Variants in CT55 observed in about 807,000 individuals in gnomAD.
CT55 encodes the protein BRCA2-interacting protein.
A neutral mutation model predicts 12.6 loss-of-function variants in CT55; 1 was observed. That is an observed-to-expected ratio of 0.08 (90% confidence interval 0.03 to 0.38). The LOEUF is 0.38. Among genes scored for constraint, CT55 ranks in the 10% least tolerant of loss-of-function variants. The pLI, the probability that CT55 is intolerant of heterozygous loss-of-function variation, is 0.99. For synonymous variants in CT55, 43 were observed against 49.7 expected (o/e 0.87, Z 0.57); for missense variants, 109 against 135.4 (o/e 0.80, Z 0.97).
chrX:135,169,074 T>C (rs1258522879), intron 2 of CT55, among the ~76,000 whole-genome samples: 5 of 112,318 alleles, frequency 4.5e-5, no homozygotes, highest in South Asian at 3.7e-4. Flanking sequence ...ATTAGTACAA[T>C]AGAGCTAAAG....
intron 2 of CT55, among the ~76,000 whole-genome samples, chrX:135,163,657 A>T (rs1288096543): frequency 8.9e-6 from 1 of 111,838 alleles, no homozygotes; most frequent in East Asian, 2.8e-4. Flanking sequence ...ATAATAATGG[A>T]GAGCCATCCA....
chrX:135,170,443 T>G (rs2083606016), intron 1 of CT55, among the ~76,000 whole-genome samples: 1 of 112,370 alleles, frequency 8.9e-6, no homozygotes, highest in South Asian at 3.7e-4. Flanking sequence ...CCTTCATCAT[T>G]ATCACCAACA....
intron 1 of CT55, among the ~76,000 whole-genome samples, chrX:135,170,262 C>G (rs1212254262): frequency 8.9e-6 from 1 of 112,315 alleles, no homozygotes; most frequent in Non-Finnish European, 1.9e-5. Flanking sequence ...CTACCTGGAA[C>G]TCCCAAAGAG....
rs190831696 is a variant in CT55, at chrX:135,161,658, C to T, written c.280-1103G>A. Among the ~76,000 whole-genome samples, 26 of 112,320 alleles carry T rather than the reference C, an allele frequency of 2.3e-4. No individual in the cohort carries two copies. In the East Asian group the frequency reaches 7.3e-3, roughly 31 times the overall value. ...CATTTGGACTACTTGCCTGACTTAACTATAGGATAAAATCCTAGGGTTGGC... is the reference window on the plus strand; with the variant it reads ...CATTTGGACTACTTGCCTGACTTAATTATAGGATAAAATCCTAGGGTTGGC... On this transcript the variant is annotated intron_variant, in intron 2 of 5. Coordinates refer to ENST00000276241, the MANE Select transcript of CT55 (RefSeq NM_001031705.3).
At position 135,171,222 on chromosome X, in the gene CT55, C is replaced by A. The variant is rs369597814; in HGVS notation, c.-51G>T. The A allele has an allele frequency of 1.6e-4, 193 of 1,203,285 alleles. No homozygotes were observed. In the African/African-American group the frequency reaches 2.9e-3, roughly 18 times the overall value. Reference sequence around the variant, plus strand: ...GGCACCGCTTGTGGCAGATGAAGCACGAGGCCTCCTCAGTAAGGGAAGCCC... The same window carrying A: ...GGCACCGCTTGTGGCAGATGAAGCAAGAGGCCTCCTCAGTAAGGGAAGCCC... On this transcript the variant is annotated 5_prime_UTR_variant, in exon 1 of 6. Coordinates refer to ENST00000276241, the MANE Select transcript of CT55 (RefSeq NM_001031705.3).
At chrX:135,167,255 A>G (rs1556406166) in intron 2 of CT55, among the ~76,000 whole-genome samples, 2 of 111,936 alleles carry the variant, frequency 1.8e-5, no homozygotes, top group Admixed American at 1.9e-4. Context: ...GGACACATCA[A>G]CCAATGGAGC....
At chrX:135,164,470 A>G (rs1314426560) in intron 2 of CT55, among the ~76,000 whole-genome samples, 1 of 112,070 alleles carries the variant, frequency 8.9e-6, no homozygotes, top group Non-Finnish European at 1.9e-5. Flanking sequence ...ACTAATAGAG[A>G]AAAATCTCTT....
intron 2 of CT55, among the ~76,000 whole-genome samples, chrX:135,167,239 A>G (rs782301197): frequency 5.2e-4 from 58 of 112,010 alleles, no homozygotes; most frequent in Non-Finnish European, 7.5e-4. Flanking sequence ...GTACCAGTAT[A>G]AAAACGGACA....
chrX:135,168,284 G>A (rs781945772), intron 2 of CT55, among the ~76,000 whole-genome samples: 29 of 112,097 alleles, frequency 2.6e-4, no homozygotes, highest in Admixed American at 6.6e-4. Flanking sequence ...GAATATTGCC[G>A]TTTGAAATAA....
intron 2 of CT55, among the ~76,000 whole-genome samples, chrX:135,168,102 AAG>A (rs1333732610): frequency 8.9e-6 from 1 of 112,122 alleles, no homozygotes; most frequent in Non-Finnish European, 1.9e-5. Context: ...CATGTATCCA[AAG>A]AGAGTGTCAT....
intron 3 of CT55, 76 bp downstream of exon 3, chrX:135,160,335 G>A: frequency 9.4e-7 from 1 of 1,058,988 alleles, no homozygotes; most frequent in Non-Finnish European, 1.2e-6. Context: ...CAAGTACACT[G>A]TAAAAGTTGT....
chrX:135,166,105 C>T (rs782308457), intron 2 of CT55, among the ~76,000 whole-genome samples: 9 of 95,938 alleles, frequency 9.4e-5, no homozygotes, highest in Admixed American at 1.1e-4. Context: ...TCTGTCACAA[C>T]GCATTACCCT....
At chrX:135,165,322 C>T (rs1265261142) in intron 2 of CT55, among the ~76,000 whole-genome samples, 1 of 111,772 alleles carries the variant, frequency 8.9e-6, no homozygotes, top group Non-Finnish European at 1.9e-5. Context: ...CAACATGCTC[C>T]TAAATAACCA....
At chrX:135,160,365 C>G in intron 3 of CT55, 46 bp downstream of exon 3, 1 of 1,115,376 alleles carries the variant, frequency 9.0e-7, no homozygotes, top group Non-Finnish European at 1.2e-6. Flanking sequence ...AAAATCCTCT[C>G]AAAAAATTAA....
chrX:135,164,576 C>T (rs781863924), intron 2 of CT55, among the ~76,000 whole-genome samples: 1 of 112,015 alleles, frequency 8.9e-6, no homozygotes, highest in South Asian at 3.7e-4. Flanking sequence ...TAAATCCTTA[C>T]CTATCAATAA....
At chrX:135,170,547 T>G (rs1556406638) in intron 1 of CT55, among the ~76,000 whole-genome samples, 1 of 111,564 alleles carries the variant, frequency 9.0e-6, no homozygotes, top group Non-Finnish European at 1.9e-5. Context: ...AAACGGCATC[T>G]GAATGGTTTT....
chrX:135,160,423 T>G lies in CT55; in HGVS notation c.412A>C (p.Ile138Leu), dbSNP rs782512322. 3.5e-6 allele frequency: 4 copies of G among 1,158,489 alleles called. No homozygotes were observed. The highest frequency in any genetic ancestry group is 4.6e-6 in the Non-Finnish European group (4 of 868,218). The change falls in exon 3 of 6, where the codon ATT (isoleucine) becomes CTT (leucine). Residue 138 changes from isoleucine to leucine, a missense_variant. Coordinates refer to ENST00000276241, the MANE Select transcript of CT55 (RefSeq NM_001031705.3). ...ATATAAATCATACCTTCAGAAACAA[T>G]GGCTATGGAAAAATAAATGCTGTTA... Reference protein sequence around the residue: ...ISNSIYFSIAIVSEDFVPYKG... With the variant: ...ISNSIYFSIALVSEDFVPYKG...
chrX:135,169,148 C>T (rs782099822), intron 2 of CT55, among the ~76,000 whole-genome samples: 2 of 112,007 alleles, frequency 1.8e-5, no homozygotes, highest in East Asian at 2.8e-4. Flanking sequence ...GCCAGGACTC[C>T]GTAAATCTGC....
At chrX:135,169,505 A>T in intron 2 of CT55, 89 bp downstream of exon 2, 1 of 725,499 alleles carries the variant, frequency 1.4e-6, no homozygotes, top group Non-Finnish European at 2.0e-6. Context: ...GGATCACAGC[A>T]GAGATGTCGG....
Sources: gnomAD v4.1 joint callset for allele counts (sites outside exome capture counted in the v4.1 genomes callset) on GRCh38, gnomAD v4.1.1 for gene constraint, MANE v1.5 for transcripts, NCBI Gene and HGNC (gene_info 2026-07-23, HGNC 2026-07-21) for gene names.